The following TRMT5 variants were observed in gnomAD, a reference collection of about 807,000 sequenced individuals.
TRMT5 encodes the protein tRNA (guanine(37)-N(1))-methyltransferase.
In TRMT5, 31 loss-of-function variants were observed where a neutral mutation model predicts 42.2. That is an observed-to-expected ratio of 0.73 (90% confidence interval 0.55 to 0.99). The LOEUF is 0.99. Among genes scored for constraint, TRMT5 ranks in the 50% least tolerant of loss-of-function variants. The pLI is 0.00. For missense variants in TRMT5, 568 were observed against 595.0 expected (o/e 0.95, Z 0.47); for synonymous variants, 198 against 209.6 (o/e 0.94, Z 0.48).
chr14:60,981,230 C>CA, upstream of TRMT5: 1 of 1,562,812 alleles, frequency 6.4e-7, no homozygotes. Context: ...GAGCGCAGGG[C>CA]AGGGGTAGAG....
At chr14:60,981,336 AGCCTGAAGAAGCGG>A, upstream of TRMT5, 1 of 1,610,680 alleles carries the variant, frequency 6.2e-7, no homozygotes, top group Non-Finnish European at 8.5e-7. Context: ...TCTGTCCAGC[AGCCTGAAGAAGCGG>A]AGGCCGAAGA....
At chr14:60,981,201 C>G (rs1177027251), upstream of TRMT5, 1 of 1,542,268 alleles carries the variant, frequency 6.5e-7, no homozygotes, top group Non-Finnish European at 8.8e-7. Context: ...AGCTCCGCCT[C>G]TGGCGCGACC....
At chr14:60,977,393 G>T in intron 3 of TRMT5, 121 bp downstream of exon 3, 1 of 964,616 alleles carries the variant, frequency 1.0e-6, no homozygotes, top group Non-Finnish European at 1.5e-6. Context: ...GCATACATAA[G>T]TGATCACATT....
intron 2 of TRMT5, among the ~76,000 whole-genome samples, chr14:60,977,859 A>G (rs899314546): frequency 6.6e-6 from 1 of 152,228 alleles, no homozygotes; most frequent in African/African-American, 2.4e-5. Flanking sequence ...ACATTTTTAA[A>G]GAAAACGTTT....
chr14:60,975,005 C>A lies in TRMT5; in HGVS notation c.*104G>T, dbSNP rs2036823140. ...TCAATTTGTAAAATAAGGCAAAGTACAAGGGTTCAATAGTAAAAACCAAAC... is the reference window on the plus strand; with the variant it reads ...TCAATTTGTAAAATAAGGCAAAGTAAAAGGGTTCAATAGTAAAAACCAAAC... On this transcript the variant is annotated 3_prime_UTR_variant, in exon 5 of 5. Coordinates refer to ENST00000261249, the MANE Select transcript of TRMT5 (RefSeq NM_020810.3). 5 of 830,430 alleles carry A rather than the reference C, an allele frequency of 6.0e-6. No homozygotes were observed. The highest frequency in any genetic ancestry group is 9.1e-6 in the Non-Finnish European group (5 of 548,864). 51.4% of individuals were successfully genotyped at this position (830,430 alleles called of 1,614,324 possible).
At position 60,979,560 on chromosome 14, in the gene TRMT5, A is replaced by C; in HGVS notation, c.338T>G (p.Leu113Arg). Residue 113 changes from leucine to arginine, a missense_variant, in exon 2 of 5, where the codon CTA becomes CGA. Transcript: ENST00000261249. ...KEIVSKLMRSLKRAALQRPGI... is the reference protein window; with the variant it reads ...KEIVSKLMRSRKRAALQRPGI... ...TGGGCGCTGCAATGCTGCCCTTTTT[A>C]GGGATCGCATCAATTTACTGACTAT... 1 of 1,614,124 alleles carries C rather than the reference A, an allele frequency of 6.2e-7. No individual in the cohort carries two copies. Among genetic ancestry groups the C allele is most frequent in the Admixed American group, 1.7e-5 (1 of 59,988 alleles).
rs2036783803 is a variant in TRMT5, at chr14:60,972,139, T to C, written c.*2970A>G. The C allele has an allele frequency of 7.7e-6, 3 of 389,202 alleles. No homozygotes were observed. The highest frequency in any genetic ancestry group is 6.0e-5 in the South Asian group (3 of 49,988). The allele number at this position is 389,202 out of a possible 1,614,324, so 24.1% of individuals were successfully genotyped here. A position where few individuals can be genotyped will look rare whatever the true frequency, so the allele number is the denominator to read the frequency against. ...TGAAGTGTTCTGTGTGCTAACAACA[T>C]AGCTTAAAAAAAGTAAAACAAAATT... On this transcript the variant is annotated 3_prime_UTR_variant, in exon 5 of 5. Transcript: ENST00000261249.
At position 60,979,216 on chromosome 14, in the gene TRMT5, C is replaced by T. The variant is rs1566591027; in HGVS notation, c.667+15G>A. 1 of 1,555,896 alleles carries T rather than the reference C, an allele frequency of 6.4e-7. No individual in the cohort carries two copies. Among genetic ancestry groups the T allele is most frequent in the Non-Finnish European group, 8.7e-7 (1 of 1,153,764 alleles). On this transcript the variant is annotated intron_variant, in intron 2 of 4. Coordinates refer to ENST00000261249, the MANE Select transcript of TRMT5 (RefSeq NM_020810.3). ...ATTCCCTTCAAATACATGAATATTA[C>T]TATGACACACGTACCAATTAAATGT...
chr14:60,981,679 C>T, upstream of TRMT5: 6 of 1,388,894 alleles, frequency 4.3e-6, no homozygotes, highest in Non-Finnish European at 5.7e-6. Context: ...GGATTATGTA[C>T]TCACTGCTGT....
upstream of TRMT5, chr14:60,981,592 GA>G: frequency 6.7e-7 from 1 of 1,502,192 alleles, no homozygotes; most frequent in Non-Finnish European, 8.9e-7. Flanking sequence ...ACTCTAGAAA[GA>G]AAAGATGAAA....
intron 3 of TRMT5, 133 bp from the exon 4 acceptor site, chr14:60,976,259 A>C: frequency 9.7e-7 from 1 of 1,029,408 alleles, no homozygotes; most frequent in African/African-American, 1.6e-5. Flanking sequence ...GCCAAACAAC[A>C]GTGCATTTAA....
chr14:60,975,465 A>C lies in TRMT5; in HGVS notation c.1444+10T>G, dbSNP rs1181472201. The stretch of plus-strand genomic sequence containing the variant: ...CAAGGTTTACATTTAATTTCCCAGA[A>C]ACTGCTCACCTGGATTTCTGGTCTG... On this transcript the variant is annotated intron_variant, in intron 4 of 4. Coordinates refer to ENST00000261249, the MANE Select transcript of TRMT5 (RefSeq NM_020810.3). 1.9e-6 allele frequency: 3 copies of C among 1,601,168 alleles called. No individual in the cohort carries two copies. The highest frequency in any genetic ancestry group is 2.6e-6 in the Non-Finnish European group (3 of 1,173,152).
intron 2 of TRMT5, 89 bp from the exon 3 acceptor site, chr14:60,977,727 T>C: frequency 3.0e-6 from 4 of 1,332,226 alleles, no homozygotes; most frequent in Non-Finnish European, 4.0e-6. Context: ...ATGAGTTGTA[T>C]TTCTTTTGGT....
chr14:60,981,312 G>T, upstream of TRMT5: 1 of 1,610,526 alleles, frequency 6.2e-7, no homozygotes, highest in Non-Finnish European at 8.5e-7. Context: ...AACGCTGAGC[G>T]GGGCTGGTAT....
chr14:60,976,004 A>C lies in TRMT5; in HGVS notation c.915T>G (p.Val305=), dbSNP rs781616515. The change falls in exon 4 of 5, where the codon GTT becomes GTG. Residue 305 remains valine (V), a synonymous_variant. Coordinates refer to ENST00000261249, the MANE Select transcript of TRMT5 (RefSeq NM_020810.3). ...TGGCAAAGGGCCCAACCCCAGCAAAAACATCAAATAGGACATCCCCAGGTT... is the reference window on the plus strand; with the variant it reads ...TGGCAAAGGGCCCAACCCCAGCAAACACATCAAATAGGACATCCCCAGGTT... The part of the protein sequence containing the change: ...LLKPGDVLFD[V]FAGVGPFAIP... The C allele has an allele frequency of 4.3e-6, 7 of 1,614,096 alleles. No individual in the cohort carries two copies. Among genetic ancestry groups the C allele is most frequent in the Admixed American group, 3.3e-5 (2 of 60,006 alleles).
rs772906171 is a variant in TRMT5 at position 60,980,875 on chromosome 14, G to C, written c.11+88C>G. 2.5e-6 allele frequency: 4 copies of C among 1,599,550 alleles called. No individual in the cohort carries two copies. The African/African-American group carries it at 5.4e-5, about 21-fold the overall frequency. ...GGGTGGGTGACCTCGCGATGTTTCT[G>C]TGCCCAGGCAGCACATGGCAGAGAG... On this transcript the variant is annotated intron_variant, in intron 1 of 4. Coordinates refer to ENST00000261249, the MANE Select transcript of TRMT5 (RefSeq NM_020810.3).
intron 3 of TRMT5, among the ~76,000 whole-genome samples, chr14:60,977,313 C>T (rs1344228572): frequency 6.6e-6 from 1 of 152,080 alleles, no homozygotes; most frequent in South Asian, 2.1e-4. Context: ...TGGAAATATT[C>T]CATTGTATCA....
At chr14:60,980,764 G>C in intron 1 of TRMT5, 199 bp downstream of exon 1, 1 of 753,048 alleles carries the variant, frequency 1.3e-6, no homozygotes, top group East Asian at 2.7e-5. Context: ...TATAAGTCTC[G>C]GTTTTCCCAC....
Position 60,972,197 on chromosome 14 carries a change from T to C in TRMT5, c.*2912A>G. ...TTTATAAAACTTGATAAAGAATATT[T>C]CAAACTGTACAGTCACCAGAAGTAC... On this transcript the variant is annotated 3_prime_UTR_variant, in exon 5 of 5. Coordinates refer to ENST00000261249, the MANE Select transcript of TRMT5 (RefSeq NM_020810.3). 2.1e-6 allele frequency: 1 copy of C among 474,654 alleles called. No homozygotes were observed. Among genetic ancestry groups the C allele is most frequent in the South Asian group, 1.6e-5 (1 of 63,078 alleles). The allele number at this position is 474,654 out of a possible 1,614,324, so 29.4% of individuals were successfully genotyped here.
Sources: allele counts gnomAD v4.1 joint callset (sites outside exome capture counted in the v4.1 genomes callset), GRCh38; gene constraint gnomAD v4.1.1; transcripts MANE v1.5; gene names NCBI Gene and HGNC (gene_info 2026-07-23, HGNC 2026-07-21).